ANO3: variants seen among roughly 807,000 people sequenced by gnomAD.
ANO3 encodes anoctamin-3.
ANO3 carries 99 observed loss-of-function variants against 144.8 expected under a neutral mutation model. The observed-to-expected ratio is 0.68, with a 90% confidence interval of 0.58 to 0.81. The LOEUF (loss-of-function observed/expected upper bound fraction) is 0.81. ANO3 is among the 30% of genes least tolerant of loss of function. The pLI is 0.00. For synonymous variants in ANO3, 414 were observed against 392.6 expected (o/e 1.05, Z -0.64); for missense variants, 905 against 1,202.2 (o/e 0.75, Z 3.66).
intron 4 of ANO3, among the ~76,000 whole-genome samples, chr11:26,487,226 G>A (rs1184723703): frequency 2.0e-5 from 3 of 152,158 alleles, no homozygotes; most frequent in Non-Finnish European, 4.4e-5. Context: ...TCTTTCCCAC[G>A]CTATTCTCAT....
At chr11:26,193,342 G>T (rs1851515630) in intron 1 of ANO3, among the ~76,000 whole-genome samples, 1 of 151,774 alleles carries the variant, frequency 6.6e-6, no homozygotes, top group Non-Finnish European at 1.5e-5. Context: ...GGGTTTCTCT[G>T]TGTTAGTCAT....
At chr11:26,282,776 G>A (rs960735408) in intron 1 of ANO3, among the ~76,000 whole-genome samples, 1 of 151,918 alleles carries the variant, frequency 6.6e-6, no homozygotes, top group African/African-American at 2.4e-5. Context: ...TAAATTTGGG[G>A]AAATTTTTGA....
chr11:26,486,091 C>T (rs192356325), intron 4 of ANO3, among the ~76,000 whole-genome samples: 206 of 152,042 alleles, frequency 1.4e-3, no homozygotes, highest in African/African-American at 4.7e-3. Context: ...CAGCCAGGCG[C>T]GATGGCTCAT....
chr11:26,332,944 G>C (rs187653405), intron 1 of ANO3, among the ~76,000 whole-genome samples: 1 of 152,084 alleles, frequency 6.6e-6, no homozygotes, highest in Admixed American at 6.5e-5. Flanking sequence ...TTTCTTGCTG[G>C]GCATAGTGAC....
intron 14 of ANO3, among the ~76,000 whole-genome samples, chr11:26,583,627 C>T (rs772880587): frequency 1.3e-5 from 2 of 152,162 alleles, no homozygotes; most frequent in African/African-American, 2.4e-5. Context: ...AGGAATTTTC[C>T]CCAGGCATGG....
At chr11:26,263,770 T>C (rs1853247847) in intron 1 of ANO3, among the ~76,000 whole-genome samples, 2 of 152,230 alleles carry the variant, frequency 1.3e-5, no homozygotes, top group South Asian at 2.1e-4. Flanking sequence ...TCACATCATA[T>C]TGGTTTCATT....
chr11:26,544,273 T>TATATATATATATACACACACAC lies in ANO3; in HGVS notation c.1154+2206_1154+2207insTATATATATATACACACACACA. ...ATACATATATATATATATATATATA[T>TATATATATATATACACACACAC]ACACACATACACACACACACACACA... On this transcript the variant is annotated intron_variant, in intron 11 of 26. Coordinates refer to ENST00000256737, the MANE Select transcript of ANO3 (RefSeq NM_031418.4). Among the ~76,000 whole-genome samples the TATATATATATATACACACACAC allele has an allele frequency of 1.3e-3, 79 of 58,550 alleles. 4 individuals are homozygous for TATATATATATATACACACACAC. The highest frequency in any genetic ancestry group is 0.012 in the East Asian group (10 of 862). The allele number at this position is 58,550 out of a possible 152,430, so 38.4% of individuals were successfully genotyped here.
At chr11:26,644,142 C>T (rs1370250019) in intron 23 of ANO3, among the ~76,000 whole-genome samples, 3 of 152,118 alleles carry the variant, frequency 2.0e-5, no homozygotes, top group Non-Finnish European at 2.9e-5. Context: ...GACACCCTTC[C>T]AACCGTAACA....
intron 1 of ANO3, among the ~76,000 whole-genome samples, chr11:26,220,770 A>G (rs1302019586): frequency 6.6e-6 from 1 of 152,210 alleles, no homozygotes; most frequent in Non-Finnish European, 1.5e-5. Flanking sequence ...AGCCTTGTAT[A>G]CAGCTTAAGG....
At chr11:26,579,868 C>CAAT (rs1443517072) in intron 14 of ANO3, among the ~76,000 whole-genome samples, 1 of 151,910 alleles carries the variant, frequency 6.6e-6, no homozygotes, top group Non-Finnish European at 1.5e-5. Flanking sequence ...AGTAAAAGAG[C>CAAT]AATAGAACAG....
chr11:26,567,764 A>G (rs1850650854), intron 14 of ANO3, among the ~76,000 whole-genome samples: 1 of 152,020 alleles, frequency 6.6e-6, no homozygotes, highest in Non-Finnish European at 1.5e-5. Context: ...AAGAGCCTCA[A>G]ACCTAAGTGT....
intron 1 of ANO3, among the ~76,000 whole-genome samples, chr11:26,225,356 A>G (rs1852236383): frequency 6.6e-6 from 1 of 152,140 alleles, no homozygotes; most frequent in Non-Finnish European, 1.5e-5. Context: ...GAGTGAGACA[A>G]GTAAATTACT....
intron 14 of ANO3, among the ~76,000 whole-genome samples, chr11:26,586,493 T>C: frequency 6.9e-6 from 1 of 144,912 alleles, no homozygotes; most frequent in South Asian, 2.2e-4. Context: ...GGGGCTTCCC[T>C]GGTGAGAATC....
rs1021500146 is a variant in ANO3 at position 26,349,277 on chromosome 11, T to C, written c.46+16956T>C. Among the ~76,000 whole-genome samples, 17 of 152,222 alleles carry C rather than the reference T, an allele frequency of 1.1e-4. 1 individual carries two copies. Among genetic ancestry groups the C allele is most frequent in the Admixed American group, 6.5e-4 (10 of 15,268 alleles). On this transcript the variant is annotated intron_variant, in intron 1 of 26. Transcript: ENST00000256737. ...TTCAAATGTAAAATCTAAGTTTAGATATTACTTCTGAAACTTAACCATTGA... is the reference window on the plus strand; with the variant it reads ...TTCAAATGTAAAATCTAAGTTTAGACATTACTTCTGAAACTTAACCATTGA...
chr11:26,221,224 G>A (rs1203677922), intron 1 of ANO3, among the ~76,000 whole-genome samples: 1 of 152,180 alleles, frequency 6.6e-6, no homozygotes, highest in African/African-American at 2.4e-5. Flanking sequence ...TGCTATCATA[G>A]GCCAGGAAAG....
upstream of ANO3, among the ~76,000 whole-genome samples, chr11:26,328,634 G>A (rs1170767397): frequency 6.6e-6 from 1 of 152,136 alleles, no homozygotes; most frequent in Non-Finnish European, 1.5e-5. Flanking sequence ...TGTTAGCAGG[G>A]GGGCTGCAAA....
At chr11:26,509,342 G>T (rs760362667) in intron 5 of ANO3, among the ~76,000 whole-genome samples, 20 of 151,684 alleles carry the variant, frequency 1.3e-4, no homozygotes, top group Non-Finnish European at 2.6e-4. Context: ...GTGAGACTGA[G>T]TCTCACTCTG....
chr11:26,509,107 A>ATC (rs1261100586), intron 5 of ANO3, among the ~76,000 whole-genome samples: 4 of 95,490 alleles, frequency 4.2e-5, no homozygotes, highest in African/African-American at 1.1e-4. Context: ...CTCTCTCTCT[A>ATC]TATATATATA....
At chr11:26,273,797 CA>C (rs1029045405) in intron 1 of ANO3, among the ~76,000 whole-genome samples, 5 of 152,072 alleles carry the variant, frequency 3.3e-5, no homozygotes, top group African/African-American at 9.7e-5. Flanking sequence ...GCTTCCAAAC[CA>C]GTGCCAGATC....
Sources: allele counts gnomAD v4.1 joint callset (sites outside exome capture counted in the v4.1 genomes callset), GRCh38; gene constraint gnomAD v4.1.1; transcripts MANE v1.5; gene names NCBI Gene and HGNC (gene_info 2026-07-23, HGNC 2026-07-21).